ZC3H13: variants seen among roughly 807,000 people sequenced by gnomAD.
ZC3H13 encodes zinc finger CCCH-type containing 13.
Under a neutral mutation model 204.1 loss-of-function variants are expected in ZC3H13, and 64 were observed. The observed-to-expected ratio is 0.31, with a 90% CI of 0.26 to 0.39. ZC3H13 has a LOEUF of 0.39. ZC3H13 is among the 10% of genes least tolerant of loss of function. The probability of loss-of-function intolerance (pLI) is 1.00; values close to 1 mark genes in which losing one functional copy is unlikely to be tolerated. For missense variants in ZC3H13, 1,833 were observed against 2,082.7 expected (o/e 0.88, Z 2.33); for synonymous variants, 667 against 693.7 (o/e 0.96, Z 0.60).
chr13:46,029,710 G>A lies in ZC3H13; in HGVS notation c.340-9153C>T, dbSNP rs568054134. On this transcript the variant is annotated intron_variant, in intron 4 of 18. Coordinates refer to ENST00000679008, the MANE Select transcript of ZC3H13 (RefSeq NM_001330564.2). ...CCCAAAGTGCTGGGATTACAGGCGT[G>A]AGCCACCGCGCCCGGCCGAGATGGA... Among the ~76,000 whole-genome samples, 8 of 151,948 alleles carry A rather than the reference G, an allele frequency of 5.3e-5. No homozygotes were observed. The East Asian group carries it at 1.6e-3, about 29-fold the overall frequency.
intron 15 of ZC3H13, among the ~76,000 whole-genome samples, chr13:45,966,020 A>G (rs552323921): frequency 6.6e-6 from 1 of 152,112 alleles, no homozygotes; most frequent in Non-Finnish European, 1.5e-5. Context: ...GATGAACACA[A>G]TTTTTAGAAA....
At chr13:45,959,676 T>C in intron 17 of ZC3H13, 30 bp from the exon 18 acceptor site, 2 of 1,493,022 alleles carry the variant, frequency 1.3e-6, no homozygotes, top group Non-Finnish European at 1.8e-6. Flanking sequence ...ATGCATTAAG[T>C]TTTACTAAAA....
intron 7 of ZC3H13, among the ~76,000 whole-genome samples, chr13:46,004,636 AT>A (rs1240243989): frequency 6.6e-6 from 1 of 152,164 alleles, no homozygotes; most frequent in Non-Finnish European, 1.5e-5. Context: ...TTCTAAAACA[AT>A]TTCATAGTTT....
rs768432304 is a variant in ZC3H13 at position 45,988,960 on chromosome 13, C to T, written c.1082G>A (p.Arg361Gln). Residue 361 changes from arginine (R) to glutamine (Q), a missense_variant, in exon 9 of 19, where the codon CGG becomes CAG. Physicochemically the swap from Arg to Gln is conservative, Grantham distance 43. This residue lies in a region of ZC3H13 where 1,574 missense variants were observed against 1,757.2 expected (regional missense o/e 0.90). Transcript: ENST00000679008. ...RKRTPSPSYQ[R>Q]TLTPPLRRSA... ...GCGTCGTAAAGGTGGAGTTAGTGTC[C>T]GCTGATAAGATGGTGAAGGAGTTCT... 6.0e-5 allele frequency: 96 copies of T among 1,613,436 alleles called. No homozygotes were observed. Among genetic ancestry groups the T allele is most frequent in the Middle Eastern group, 1.7e-4 (1 of 6,056 alleles).
chr13:45,977,432 T>A (rs532990358), intron 11 of ZC3H13, among the ~76,000 whole-genome samples: 1 of 152,182 alleles, frequency 6.6e-6, no homozygotes, highest in Non-Finnish European at 1.5e-5. Context: ...AAAATATCAA[T>A]GCTACTTTCT....
chr13:45,958,305 C>A (rs1951415211), intron 18 of ZC3H13, among the ~76,000 whole-genome samples: 1 of 152,158 alleles, frequency 6.6e-6, no homozygotes. Context: ...GTTTTCCTAA[C>A]TGCCCCAAGT....
chr13:45,969,539 C>T lies in ZC3H13; in HGVS notation c.3005G>A (p.Ser1002Asn), dbSNP rs1270345058. 13 of 1,605,444 alleles carry T rather than the reference C, an allele frequency of 8.1e-6. No homozygotes were observed. Among genetic ancestry groups the T allele is most frequent in the Non-Finnish European group, 9.3e-6 (11 of 1,177,958 alleles). ...FSPKKGQKKK[S>N]IEKKRKKSKG... ...GGATTTTTTACGTTTTTTTTCAATG[C>T]TTTTCTTTTTCTGTCCTTTTTTTGG... Residue 1002 changes from serine to asparagine, a missense_variant, in exon 14 of 19, where the codon AGC becomes AAC. Ser to Asn is a conservative substitution (Grantham distance 46, BLOSUM62 1). Coordinates refer to ENST00000679008, the MANE Select transcript of ZC3H13 (RefSeq NM_001330564.2).
rs1280609657 is a variant in ZC3H13 at position 45,959,538 on chromosome 13, G to A, written c.4784C>T (p.Ala1595Val). 3.2e-6 allele frequency: 5 copies of A among 1,548,048 alleles called. No homozygotes were observed. In the African/African-American group the frequency reaches 5.5e-5, roughly 17 times the overall value. Residue 1595 changes from alanine (A) to valine (V), a missense_variant, in exon 18 of 19, where the codon GCG (alanine) becomes GTG (valine). By Grantham distance (64) the Ala-to-Val change is moderately conservative. Coordinates refer to ENST00000679008, the MANE Select transcript of ZC3H13 (RefSeq NM_001330564.2). Reference protein sequence around the residue: ...LLSNLGPCCKALCFRRDSAIR... With the variant: ...LLSNLGPCCKVLCFRRDSAIR... ...TGCAGAATCCCGTCTGAAGCACAAC[G>A]CCTTACAACATGGGCCAAGATTACT...
chr13:46,035,216 G>A (rs1226016014), intron 4 of ZC3H13, among the ~76,000 whole-genome samples: 1 of 152,162 alleles, frequency 6.6e-6, no homozygotes, highest in Non-Finnish European at 1.5e-5. Flanking sequence ...CTGACAGCCA[G>A]CATCGACTGC....
Position 45,967,525 on chromosome 13 carries a change from C to T in ZC3H13, c.4300G>A (p.Glu1434Lys), listed in dbSNP as rs372694946. 4 of 1,561,358 alleles carry T rather than the reference C, an allele frequency of 2.6e-6. No homozygotes were observed. Among genetic ancestry groups the T allele is most frequent in the Non-Finnish European group, 3.5e-6 (4 of 1,157,908 alleles). Residue 1434 changes from glutamate (E) to lysine (K), a missense_variant, in exon 15 of 19, where the codon GAG (glutamate) becomes AAG (lysine). Around this residue, in one of 5 missense-constraint regions of ZC3H13, gnomAD observed 1,574 missense variants for 1,757.2 expected, o/e 0.90. Transcript: ENST00000679008. ...TCACCTTCCAGACTCTCAGTTCTCT[C>T]GGATTTATTTGTTTCTTCAAATCCC... ...VQGFEETNKS[E>K]RTESLEAGDD...
chr13:46,011,728 A>G (rs1050926817), intron 5 of ZC3H13, among the ~76,000 whole-genome samples, 174 bp from the exon 6 acceptor site: 1 of 152,202 alleles, frequency 6.6e-6, no homozygotes, highest in Non-Finnish European at 1.5e-5. Context: ...AAGGATTAAA[A>G]TCACCATGGT....
intron 17 of ZC3H13, chr13:45,962,986 C>T: frequency 1.0e-6 from 1 of 985,418 alleles, no homozygotes. Context: ...CTGAAAATTG[C>T]TGCAGTGAGG....
chr13:45,970,933 G>T (rs1952531543), intron 12 of ZC3H13, among the ~76,000 whole-genome samples: 1 of 152,110 alleles, frequency 6.6e-6, no homozygotes, highest in African/African-American at 2.4e-5. Flanking sequence ...GCAGCCTTAA[G>T]TAAGTTCCTT....
At chr13:45,999,730 G>C (rs2040603592) in intron 8 of ZC3H13, among the ~76,000 whole-genome samples, 1 of 152,204 alleles carries the variant, frequency 6.6e-6, no homozygotes, top group South Asian at 2.1e-4. Flanking sequence ...ATCTTGAACA[G>C]TAAATCCTTT....
Position 46,037,108 on chromosome 13 carries a change from G to A in ZC3H13, c.339+5056C>T, listed in dbSNP as rs150616242. On this transcript the variant is annotated intron_variant, in intron 4 of 18. Transcript: ENST00000679008. Reference sequence around the variant, plus strand: ...AAAACAAAGATCATGAAAAAGTTCTGGAAATGAATGGTGGTATCAGTTGCA... The same window carrying A: ...AAAACAAAGATCATGAAAAAGTTCTAGAAATGAATGGTGGTATCAGTTGCA... Among the ~76,000 whole-genome samples the A allele has an allele frequency of 9.0e-4, 137 of 152,190 alleles. 1 individual carries two copies. Among genetic ancestry groups the A allele is most frequent in the African/African-American group, 3.3e-3 (136 of 41,494 alleles).
intron 6 of ZC3H13, among the ~76,000 whole-genome samples, chr13:46,011,092 T>C (rs1298490695): frequency 6.6e-6 from 1 of 152,112 alleles, no homozygotes; most frequent in Non-Finnish European, 1.5e-5. Flanking sequence ...TCTTCACTTT[T>C]TAGAAAAGAA....
chr13:45,980,022 A>G lies in ZC3H13; in HGVS notation c.1721-18T>C, dbSNP rs199948846. 113 of 1,575,550 alleles carry G rather than the reference A, an allele frequency of 7.2e-5. No individual in the cohort carries two copies. The East Asian group carries it at 2.6e-3, about 36-fold the overall frequency. ...TCGACTTCCTAAACAAAGGATAGAC[A>G]CACAAATGTTTACCACATACACTTT... On this transcript the variant is annotated intron_variant, in intron 10 of 18. Coordinates refer to ENST00000679008, the MANE Select transcript of ZC3H13 (RefSeq NM_001330564.2).
rs752598097 is a variant in ZC3H13, at chr13:45,968,763, G to C, written c.3781C>G (p.Arg1261Gly). Residue 1261 changes from arginine to glycine, a missense_variant, in exon 14 of 19, where the codon CGA (arginine) becomes GGA (glycine). Arg to Gly is a moderately radical substitution (Grantham distance 125). This residue lies in a region of ZC3H13 where 1,574 missense variants were observed against 1,757.2 expected (regional missense o/e 0.90). Transcript: ENST00000679008. ...ATTTTATTACCTGAAGAAGTACTTC[G>C]ACTGGGTTCTCCACGCTTTAACTGA... ...IDQLKRGEPS[R>G]STSSDRQDSR... 2 of 1,591,024 alleles carry C rather than the reference G, an allele frequency of 1.3e-6. No individual in the cohort carries two copies. Among genetic ancestry groups the C allele is most frequent in the Non-Finnish European group, 1.7e-6 (2 of 1,171,292 alleles).
chr13:45,985,234 A>C, intron 10 of ZC3H13, 63 bp downstream of exon 10: 1 of 1,415,842 alleles, frequency 7.1e-7, no homozygotes. Context: ...ACATATTAGA[A>C]ATCTTAGGAG....
Sources: allele counts gnomAD v4.1 joint callset (sites outside exome capture counted in the v4.1 genomes callset), GRCh38; gene constraint gnomAD v4.1.1; regional missense constraint gnomAD v4.1.1; transcripts MANE v1.5; gene names NCBI Gene and HGNC (gene_info 2026-07-23, HGNC 2026-07-21).